Variants in PPP1R12A observed in about 807,000 individuals in gnomAD.
PPP1R12A encodes the protein protein phosphatase 1 regulatory subunit 12A.
Under a neutral mutation model 139.6 loss-of-function variants are expected in PPP1R12A, and 19 were observed. The observed-to-expected ratio is 0.14, with a 90% CI of 0.09 to 0.20. The LOEUF (loss-of-function observed/expected upper bound fraction) is 0.20, where lower values mean the gene tolerates loss of function less well. Among genes scored for constraint, PPP1R12A ranks in the 10% least tolerant of loss-of-function variants. PPP1R12A has a pLI of 1.00. For synonymous variants in PPP1R12A, 427 were observed against 420.6 expected, an observed-to-expected ratio of 1.02 and a Z score of -0.19; for missense variants, 925 against 1,211.5, an observed-to-expected ratio of 0.76 and a Z score of 3.51.
intron 22 of PPP1R12A, chr12:79,782,382 T>G (rs1870563237): frequency 3.9e-6 from 1 of 258,862 alleles, no homozygotes; most frequent in African/African-American, 2.3e-5. Flanking sequence ...CAATCATCCA[T>G]GCTCCACAAT....
intron 1 of PPP1R12A, among the ~76,000 whole-genome samples, chr12:79,886,375 T>C (rs1884105384): frequency 6.6e-6 from 1 of 152,164 alleles, no homozygotes; most frequent in African/African-American, 2.4e-5. Flanking sequence ...GAGTCCAGCA[T>C]TGCATTTAAA....
At chr12:79,883,491 G>A (rs1883836778) in intron 1 of PPP1R12A, among the ~76,000 whole-genome samples, 2 of 152,058 alleles carry the variant, frequency 1.3e-5, no homozygotes, top group Admixed American at 1.3e-4. Flanking sequence ...TGAAAGATAT[G>A]AAGAGTTAAG....
chr12:79,824,560 T>G (rs1876531994), intron 5 of PPP1R12A, among the ~76,000 whole-genome samples: 1 of 152,160 alleles, frequency 6.6e-6, no homozygotes, highest in African/African-American at 2.4e-5. Context: ...CACAATCAAA[T>G]TAGAGTAAAA....
At chr12:79,781,169 C>T (rs956123643) in intron 23 of PPP1R12A, among the ~76,000 whole-genome samples, 5 of 152,028 alleles carry the variant, frequency 3.3e-5, no homozygotes, top group African/African-American at 1.2e-4. Flanking sequence ...TAAACTTGTA[C>T]AGTTATTCCT....
intron 1 of PPP1R12A, among the ~76,000 whole-genome samples, chr12:79,899,245 T>A (rs1212214025): frequency 6.2e-3 from 6 of 968 alleles, no homozygotes; most frequent in African/African-American, 0.032. Flanking sequence ...TATATATATA[T>A]ATATATATAT....
chr12:79,885,556 A>G (rs1416320856), intron 1 of PPP1R12A, among the ~76,000 whole-genome samples: 1 of 152,178 alleles, frequency 6.6e-6, no homozygotes, highest in Non-Finnish European at 1.5e-5. Flanking sequence ...AGGATGGTTA[A>G]GTTTTAAAAG....
At chr12:79,907,024 T>C (rs1001286734) in intron 1 of PPP1R12A, among the ~76,000 whole-genome samples, 2 of 152,284 alleles carry the variant, frequency 1.3e-5, no homozygotes, top group Non-Finnish European at 1.5e-5. Flanking sequence ...CATCCATGCA[T>C]AAATTTTTTA....
At chr12:79,777,481 G>T (rs759861340) in intron 24 of PPP1R12A, 3 of 985,264 alleles carry the variant, frequency 3.0e-6, no homozygotes, top group Non-Finnish European at 3.6e-6. Context: ...AAAAACACCT[G>T]CCTGGCTCTA....
intron 1 of PPP1R12A, among the ~76,000 whole-genome samples, chr12:79,923,372 A>T (rs540629229): frequency 6.6e-6 from 1 of 152,360 alleles, no homozygotes; most frequent in South Asian, 2.1e-4. Flanking sequence ...GGACTAGGAA[A>T]ATAAATTCCA....
intron 1 of PPP1R12A, among the ~76,000 whole-genome samples, chr12:79,881,620 T>C (rs1323277939): frequency 3.3e-5 from 5 of 152,188 alleles, no homozygotes; most frequent in Admixed American, 3.3e-4. Flanking sequence ...CAAGTGCTGA[T>C]GGAGAAGCTG....
chr12:79,874,027 G>C (rs1882844266), intron 1 of PPP1R12A, among the ~76,000 whole-genome samples: 1 of 152,144 alleles, frequency 6.6e-6, no homozygotes, highest in South Asian at 2.1e-4. Flanking sequence ...TGTAATCCCA[G>C]CACTTTGGGA....
At chr12:79,865,907 A>G (rs1371366202) in intron 2 of PPP1R12A, among the ~76,000 whole-genome samples, 1 of 152,194 alleles carries the variant, frequency 6.6e-6, no homozygotes, top group Non-Finnish European at 1.5e-5. Flanking sequence ...AGTAACTTAT[A>G]GATTCAATGC....
intron 9 of PPP1R12A, among the ~76,000 whole-genome samples, chr12:79,812,169 A>C (rs1874619872): frequency 6.6e-6 from 1 of 152,052 alleles, no homozygotes; most frequent in African/African-American, 2.4e-5. Context: ...TGGCTGATAT[A>C]CCTCCACTCT....
intron 5 of PPP1R12A, among the ~76,000 whole-genome samples, chr12:79,827,900 TAAGC>T (rs1876985590): frequency 6.6e-6 from 1 of 152,148 alleles, no homozygotes; most frequent in Non-Finnish European, 1.5e-5. Context: ...AAGAATTCTA[TAAGC>T]AAGCTAAAAG....
chr12:79,775,799 A>G lies in PPP1R12A; in HGVS notation c.*130T>C. The G allele has an allele frequency of 4.0e-6, 2 of 504,482 alleles. No homozygotes were observed. The highest frequency in any genetic ancestry group is 6.6e-5 in the East Asian group (2 of 30,470). 31.3% of individuals were successfully genotyped at this position (504,482 alleles called of 1,614,324 possible). ...CAAAATGAAACAAAAATTCTAGATA[A>G]GAGGGCATTTGGCAGGATATCCGAA... On this transcript the variant is annotated 3_prime_UTR_variant, in exon 25 of 25. Coordinates refer to ENST00000450142, the MANE Select transcript of PPP1R12A (RefSeq NM_002480.3).
intron 1 of PPP1R12A, among the ~76,000 whole-genome samples, chr12:79,891,343 T>C (rs1030990059): frequency 6.6e-6 from 1 of 151,830 alleles, no homozygotes; most frequent in South Asian, 2.1e-4. Context: ...GAAACAGGAG[T>C]TAATACTTCA....
At chr12:79,878,151 ATTGTATACTTAAGAG>A in intron 1 of PPP1R12A, among the ~76,000 whole-genome samples, 1 of 151,918 alleles carries the variant, frequency 6.6e-6, no homozygotes, top group African/African-American at 2.4e-5. Context: ...ATTTCACTTA[ATTGTATACTTAAGAG>A]TTGTATACTT....
At chr12:79,779,416 C>A in intron 23 of PPP1R12A, 1 of 1,123,306 alleles carries the variant, frequency 8.9e-7, no homozygotes. Flanking sequence ...GACACTCTTT[C>A]CCAGATTAAT....
chr12:79,900,697 G>A (rs368307711), intron 1 of PPP1R12A, among the ~76,000 whole-genome samples: 1 of 152,110 alleles, frequency 6.6e-6, no homozygotes, highest in Non-Finnish European at 1.5e-5. Flanking sequence ...TGACTTTGGG[G>A]TGTATACACA....
Sources: gnomAD v4.1 joint callset for allele counts (sites outside exome capture counted in the v4.1 genomes callset) on GRCh38, gnomAD v4.1.1 for gene constraint, MANE v1.5 for transcripts, NCBI Gene and HGNC (gene_info 2026-07-23, HGNC 2026-07-21) for gene names.